Variants in RALYL observed in about 807,000 individuals in gnomAD.
The protein encoded by RALYL is RNA-binding Raly-like protein.
A neutral mutation model predicts 35.1 loss-of-function variants in RALYL; 29 were observed. The ratio of observed to expected loss-of-function variants is 0.83; its 90% CI spans 0.61 to 1.13. The LOEUF is 1.13. RALYL is among the 50% of genes most tolerant of loss of function. The pLI is 0.00. For missense variants in RALYL, 359 were observed against 360.4 expected (o/e 1.00, Z 0.03); for synonymous variants, 120 against 127.6 (o/e 0.94, Z 0.40).
chr8:84,706,064 A>G (rs1589120009), intron 2 of RALYL: 1 of 1,535,010 alleles, frequency 6.5e-7, no homozygotes, highest in Non-Finnish European at 8.7e-7. Context: ...CAGAGATGTA[A>G]GTAAAATCTG....
chr8:84,635,219 A>G (rs566104640), intron 2 of RALYL, among the ~76,000 whole-genome samples: 6 of 151,902 alleles, frequency 3.9e-5, no homozygotes, highest in African/African-American at 1.4e-4. Flanking sequence ...AAATGGAGGC[A>G]TGAAAAAGCG....
intron 1 of RALYL, among the ~76,000 whole-genome samples, chr8:84,433,849 A>G (rs970494245): frequency 4.6e-5 from 7 of 151,238 alleles, no homozygotes; most frequent in East Asian, 3.9e-4. Context: ...GTGTGTATAT[A>G]TATATATATA....
chr8:84,833,056 AC>A (rs987588971), intron 4 of RALYL, among the ~76,000 whole-genome samples: 44 of 152,222 alleles, frequency 2.9e-4, no homozygotes, highest in Non-Finnish European at 2.9e-5. Context: ...AAAGTTAGGC[AC>A]CCTTCTTCTC....
intron 1 of RALYL, among the ~76,000 whole-genome samples, chr8:84,432,914 C>G (rs1413480923): frequency 6.6e-6 from 1 of 152,084 alleles, no homozygotes; most frequent in Non-Finnish European, 1.5e-5. Flanking sequence ...AACTGTGAAA[C>G]AACACATTTC....
At chr8:84,680,805 G>A (rs552337256) in intron 2 of RALYL, among the ~76,000 whole-genome samples, 8 of 151,592 alleles carry the variant, frequency 5.3e-5, no homozygotes, top group East Asian at 1.9e-4. Flanking sequence ...TAGGTTGCTT[G>A]TTCACTCTGT....
chr8:84,385,647 G>T (rs1274660348), intron 1 of RALYL, among the ~76,000 whole-genome samples: 1 of 151,828 alleles, frequency 6.6e-6, no homozygotes, highest in Non-Finnish European at 1.5e-5. Context: ...TTCTCCTCAA[G>T]ATTGACTCTC....
At chr8:84,316,012 T>C (rs1843685904) in intron 1 of RALYL, among the ~76,000 whole-genome samples, 1 of 152,112 alleles carries the variant, frequency 6.6e-6, no homozygotes, top group African/African-American at 2.4e-5. Context: ...ACAAAGAATG[T>C]AACACTTTGT....
chr8:84,876,529 G>A (rs761255797), intron 7 of RALYL, among the ~76,000 whole-genome samples: 11 of 151,008 alleles, frequency 7.3e-5, no homozygotes, highest in Admixed American at 2.0e-4. Flanking sequence ...ACGCAAAGAT[G>A]TTAAGTGAAC....
chr8:84,808,641 G>A (rs753585436), intron 4 of RALYL, among the ~76,000 whole-genome samples: 1 of 152,154 alleles, frequency 6.6e-6, no homozygotes, highest in Non-Finnish European at 1.5e-5. Context: ...CATGAACATG[G>A]CAAGTATTTC....
intron 1 of RALYL, among the ~76,000 whole-genome samples, chr8:84,524,419 T>G (rs1363415440): frequency 6.6e-6 from 1 of 152,186 alleles, no homozygotes; most frequent in Non-Finnish European, 1.5e-5. Context: ...TCACACCAGT[T>G]AGAATGGCAA....
At chr8:84,531,869 T>C (rs776903892) in intron 2 of RALYL, among the ~76,000 whole-genome samples, 8 of 152,108 alleles carry the variant, frequency 5.3e-5, no homozygotes, top group Non-Finnish European at 1.0e-4. Flanking sequence ...ACACTAAAAA[T>C]GTAGTGCCTT....
intron 1 of RALYL, among the ~76,000 whole-genome samples, chr8:84,261,298 T>G (rs1390987459): frequency 6.6e-6 from 1 of 152,212 alleles, no homozygotes; most frequent in Non-Finnish European, 1.5e-5. Flanking sequence ...AATCTCATCT[T>G]TAATTGTAGT....
At chr8:84,360,509 A>G (rs1463641792) in intron 1 of RALYL, among the ~76,000 whole-genome samples, 1 of 152,200 alleles carries the variant, frequency 6.6e-6, no homozygotes, top group Non-Finnish European at 1.5e-5. Flanking sequence ...ATTCCAATGA[A>G]TATCGAAGAT....
intron 2 of RALYL, among the ~76,000 whole-genome samples, chr8:84,590,763 C>T (rs1349199131): frequency 6.6e-6 from 1 of 152,156 alleles, no homozygotes; most frequent in African/African-American, 2.4e-5. Context: ...ATAACTATGT[C>T]GGGAAAGTTG....
intron 3 of RALYL, among the ~76,000 whole-genome samples, chr8:84,776,729 G>C (rs1477797731): frequency 6.6e-6 from 1 of 151,816 alleles, no homozygotes; most frequent in Non-Finnish European, 1.5e-5. Flanking sequence ...CTCTTTTCTT[G>C]GATTGTTTTG....
intron 2 of RALYL, among the ~76,000 whole-genome samples, chr8:84,697,438 A>G (rs780090276): frequency 2.7e-4 from 41 of 152,060 alleles, no homozygotes; most frequent in Admixed American, 7.2e-4. Context: ...GCTCTGGGTC[A>G]TTCTAACCTA....
intron 3 of RALYL, among the ~76,000 whole-genome samples, chr8:84,799,273 G>A (rs899760517): frequency 3.3e-5 from 5 of 152,164 alleles, no homozygotes; most frequent in Admixed American, 1.3e-4. Context: ...TATGAAAATA[G>A]TTATGAAGTA....
intron 3 of RALYL, among the ~76,000 whole-genome samples, chr8:84,780,115 A>G (rs1817748044): frequency 6.6e-6 from 1 of 152,024 alleles, no homozygotes; most frequent in Admixed American, 6.6e-5. Flanking sequence ...TTCCATTATC[A>G]TTATCTCCCT....
chr8:84,209,709 ACAGTGCTAT>A (rs1818985662), intron 1 of RALYL, among the ~76,000 whole-genome samples: 1 of 152,174 alleles, frequency 6.6e-6, no homozygotes, highest in Admixed American at 6.6e-5. Flanking sequence ...AGTTTGTTTT[ACAGTGCTAT>A]CAGGTGGGAA....
Sources: allele counts gnomAD v4.1 joint callset (sites outside exome capture counted in the v4.1 genomes callset), GRCh38; gene constraint gnomAD v4.1.1; transcripts MANE v1.5; gene names NCBI Gene and HGNC (gene_info 2026-07-23, HGNC 2026-07-21).